Variants in RCOR1 observed in about 807,000 individuals in gnomAD.
The protein encoded by RCOR1 is REST corepressor 1, also known as REST corepressor.
A neutral mutation model predicts 64.0 loss-of-function variants in RCOR1; 12 were observed. The observed-to-expected ratio is 0.19, with a 90% CI of 0.12 to 0.30. The LOEUF (loss-of-function observed/expected upper bound fraction) is 0.30, where lower values mean the gene tolerates loss of function less well. RCOR1 is among the 10% of genes least tolerant of loss of function. The probability of loss-of-function intolerance (pLI) is 1.00; values close to 1 mark genes in which losing one functional copy is unlikely to be tolerated. For synonymous variants in RCOR1, 279 were observed against 227.2 expected (o/e 1.23, Z -2.05); for missense variants, 502 against 621.2 (o/e 0.81, Z 2.04).
chr14:102,619,939 G>T (rs951167300), intron 2 of RCOR1, among the ~76,000 whole-genome samples: 3 of 152,108 alleles, frequency 2.0e-5, no homozygotes, highest in Non-Finnish European at 2.9e-5. Flanking sequence ...AGCCATAACT[G>T]CGTATATCTT....
At chr14:102,639,148 T>A (rs971238662) in intron 2 of RCOR1, among the ~76,000 whole-genome samples, 2 of 152,194 alleles carry the variant, frequency 1.3e-5, no homozygotes, top group African/African-American at 4.8e-5. Flanking sequence ...TAAAAAGCAT[T>A]TGGATGGTTT....
intron 10 of RCOR1, among the ~76,000 whole-genome samples, chr14:102,721,758 C>T (rs1022148537): frequency 3.3e-5 from 5 of 151,932 alleles, no homozygotes; most frequent in South Asian, 2.1e-4. Flanking sequence ...AAAACTTAAC[C>T]GGGAACCCTG....
chr14:102,643,162 GTCCCAGC>G (rs1894406399), intron 2 of RCOR1: 1 of 158,292 alleles, frequency 6.3e-6, no homozygotes, highest in Admixed American at 6.5e-5. Flanking sequence ...GGTGCCTGTA[GTCCCAGC>G]TACTTGGCAG....
intron 2 of RCOR1, among the ~76,000 whole-genome samples, chr14:102,609,181 G>A: frequency 6.6e-6 from 1 of 151,514 alleles, no homozygotes; most frequent in African/African-American, 2.4e-5. Flanking sequence ...GAGTAGCTGG[G>A]GTTACATGTG....
At chr14:102,676,731 T>C (rs1595225110) in intron 2 of RCOR1, among the ~76,000 whole-genome samples, 1 of 85,286 alleles carries the variant, frequency 1.2e-5, no homozygotes, top group Non-Finnish European at 2.4e-5. Context: ...GGCGGGGGGC[T>C]GACCCCCCCC....
chr14:102,693,006 T>A (rs1317185857), intron 3 of RCOR1, among the ~76,000 whole-genome samples: 3 of 152,130 alleles, frequency 2.0e-5, no homozygotes, highest in Non-Finnish European at 4.4e-5. Context: ...CCTCAAGTGA[T>A]TGACCTGCCT....
At chr14:102,617,904 A>G (rs1893795278) in intron 2 of RCOR1, among the ~76,000 whole-genome samples, 2 of 151,072 alleles carry the variant, frequency 1.3e-5, no homozygotes, top group African/African-American at 4.9e-5. Flanking sequence ...TCTATCTCAA[A>G]TAAAAAAGAA....
chr14:102,709,445 A>C (rs1895915915), intron 6 of RCOR1, among the ~76,000 whole-genome samples: 1 of 152,224 alleles, frequency 6.6e-6, no homozygotes, highest in East Asian at 1.9e-4. Context: ...TTAATAATAA[A>C]AAAATAAAAT....
intron 2 of RCOR1, among the ~76,000 whole-genome samples, chr14:102,676,859 G>A (rs1895177525): frequency 1.0e-5 from 1 of 98,928 alleles, no homozygotes; most frequent in Admixed American, 8.7e-5. Context: ...GCGAGGGGCT[G>A]ACCCCCCACC....
At chr14:102,725,205 A>G (rs1234763876) in intron 11 of RCOR1, among the ~76,000 whole-genome samples, 2 of 152,170 alleles carry the variant, frequency 1.3e-5, no homozygotes, top group Non-Finnish European at 2.9e-5. Context: ...GTGAGGAGAA[A>G]TCTCCTCCTG....
In RCOR1 at chr14:102,593,202, C is replaced by T. The variant is rs1306608580; in HGVS notation, c.301+15C>T. ...CGAGGAGCACGGTAGGTGGCAGCCG[C>T]CCCCGCGGCCCCGGGCCCCGCGCCC... On this transcript the variant is annotated intron_variant, in intron 1 of 11. Transcript: ENST00000262241. 1 of 1,477,764 alleles carries T rather than the reference C, an allele frequency of 6.8e-7. No individual in the cohort carries two copies. 91.5% of individuals were successfully genotyped at this position (1,477,764 alleles called of 1,614,324 possible).
intron 2 of RCOR1, among the ~76,000 whole-genome samples, chr14:102,673,658 C>T (rs1895079378): frequency 6.6e-6 from 1 of 150,668 alleles, no homozygotes. Flanking sequence ...TCTTTTTGCC[C>T]AGGCTAGAGT....
chr14:102,657,631 A>C, intron 2 of RCOR1: 1 of 636,120 alleles, frequency 1.6e-6, no homozygotes, highest in Non-Finnish European at 2.0e-6. Context: ...TGAGGTCAGG[A>C]GTTCGAGACC....
At chr14:102,724,891 T>G (rs1896231448) in intron 11 of RCOR1, among the ~76,000 whole-genome samples, 1 of 152,222 alleles carries the variant, frequency 6.6e-6, no homozygotes, top group Non-Finnish European at 1.5e-5. Context: ...AGATGTCTGC[T>G]GGTGTCTTGC....
chr14:102,689,386 T>C (rs184359774), intron 3 of RCOR1, among the ~76,000 whole-genome samples: 6 of 152,238 alleles, frequency 3.9e-5, no homozygotes, highest in Admixed American at 3.3e-4. Flanking sequence ...GGTATAGCCT[T>C]GTCTGTTGTT....
chr14:102,635,845 A>G (rs989032528), intron 2 of RCOR1, among the ~76,000 whole-genome samples: 4 of 152,164 alleles, frequency 2.6e-5, no homozygotes, highest in Admixed American at 2.0e-4. Context: ...CTAGCTGCTA[A>G]GGTGGGAAGA....
chr14:102,604,101 T>C lies in RCOR1; in HGVS notation c.361+10776T>C, dbSNP rs2139882899. Among the ~76,000 whole-genome samples the C allele has an allele frequency of 3.3e-5, 5 of 152,342 alleles. No individual in the cohort carries two copies. The Middle Eastern group carries it at 0.017, about 518-fold the overall frequency. On this transcript the variant is annotated intron_variant, in intron 2 of 11. Coordinates refer to ENST00000262241, the MANE Select transcript of RCOR1 (RefSeq NM_015156.4). ...CCCTGATTTCTAAGATGAATGTTAC[T>C]GAGAATTGACAATTTTTTTTGTTGA...
At chr14:102,710,778 A>G (rs895652212) in intron 6 of RCOR1, 157 bp from the exon 7 acceptor site, 1 of 613,910 alleles carries the variant, frequency 1.6e-6, no homozygotes, top group Non-Finnish European at 2.9e-6. Context: ...AGATGTTTTT[A>G]TCTCAGCAGC....
At chr14:102,688,269 A>G (rs1895462496) in intron 3 of RCOR1, among the ~76,000 whole-genome samples, 2 of 152,154 alleles carry the variant, frequency 1.3e-5, no homozygotes, top group South Asian at 4.1e-4. Context: ...CCCGGCCAGC[A>G]TTTTCATTTT....
Sources: gnomAD v4.1 joint callset for allele counts (sites outside exome capture counted in the v4.1 genomes callset) on GRCh38, gnomAD v4.1.1 for gene constraint, MANE v1.5 for transcripts, NCBI Gene and HGNC (gene_info 2026-07-23, HGNC 2026-07-21) for gene names.